The following ZNF83 variants were observed in gnomAD, a reference collection of about 807,000 sequenced individuals.
ZNF83 encodes zinc finger protein 83, also known as zinc finger protein 816B.
For missense variants in ZNF83, 552 were observed against 629.9 expected (o/e 0.88, Z 1.32); for synonymous variants, 209 against 213.0 (o/e 0.98, Z 0.17).
At chr19:52,639,372 C>T (rs376205340), upstream of ZNF83, among the ~76,000 whole-genome samples, 6 of 151,120 alleles carry the variant, frequency 4.0e-5, no homozygotes, top group East Asian at 2.0e-4. Context: ...AGGTGTGAGC[C>T]ACCGCGCCCG....
intron 1 of ZNF83, among the ~76,000 whole-genome samples, chr19:52,668,046 CAA>C (rs759195869): frequency 4.6e-5 from 7 of 152,162 alleles, no homozygotes; most frequent in Non-Finnish European, 1.0e-4. Context: ...ACGTTTAAAA[CAA>C]ATGATAAATT....
At chr19:52,669,660 G>C (rs1453680096) in intron 1 of ZNF83, among the ~76,000 whole-genome samples, 1 of 152,182 alleles carries the variant, frequency 6.6e-6, no homozygotes, top group Non-Finnish European at 1.5e-5. Context: ...GAACAACTCA[G>C]GGGTAAATGA....
chr19:52,686,017 T>C lies in ZNF83; in HGVS notation c.-283+4426A>G, dbSNP rs564118077. Among the ~76,000 whole-genome samples, 10 of 151,804 alleles carry C rather than the reference T, an allele frequency of 6.6e-5. No homozygotes were observed. The East Asian group carries it at 1.9e-3, about 29-fold the overall frequency. On this transcript the variant is annotated intron_variant, in intron 1 of 5. Coordinates refer to the ZNF83 transcript ENST00000594682. ...GCACCAGAGGGCCTTGAGGGAAACA[T>C]GAACTTAATAGCTCCCAGCTCAAGA...
At chr19:52,681,298 A>AAAAAAAAAAAAAAAAAAAAAAC (rs2061915221) in intron 1 of ZNF83, among the ~76,000 whole-genome samples, 1 of 151,040 alleles carries the variant, frequency 6.6e-6, no homozygotes, top group Non-Finnish European at 1.5e-5. Flanking sequence ...AAAAAAAAAA[A>AAAAAAAAAAAAAAAAAAAAAAC]AAAGCAAACG....
At chr19:52,652,473 TG>T in intron 3 of ZNF83, 1 of 430,498 alleles carries the variant, frequency 2.3e-6, no homozygotes, top group Non-Finnish European at 4.7e-6. Context: ...TTATCACAGT[TG>T]TGAGGTTCTC....
chr19:52,664,978 GAAA>G (rs1051615860), intron 1 of ZNF83, among the ~76,000 whole-genome samples: 8 of 152,080 alleles, frequency 5.3e-5, no homozygotes, highest in Admixed American at 4.6e-4. Flanking sequence ...CCTTACTATT[GAAA>G]TTAATTTTAG....
intron 2 of ZNF83, among the ~76,000 whole-genome samples, chr19:52,656,030 G>A (rs2061499788): frequency 6.6e-6 from 1 of 152,102 alleles, no homozygotes; most frequent in Non-Finnish European, 1.5e-5. Context: ...GGGCAACATG[G>A]TGAAACCAAG....
chr19:52,621,093 T>C (rs2060525950), intron 2 of ZNF83, among the ~76,000 whole-genome samples: 1 of 152,166 alleles, frequency 6.6e-6, no homozygotes, highest in Admixed American at 6.6e-5. Flanking sequence ...GGTGGTCTCT[T>C]CACAGGGACA....
chr19:52,623,733 C>A (rs975678236), intron 2 of ZNF83, among the ~76,000 whole-genome samples: 1 of 152,102 alleles, frequency 6.6e-6, no homozygotes, highest in South Asian at 2.1e-4. Flanking sequence ...TCCCATCCCA[C>A]AACAGGCTTT....
chr19:52,625,796 T>G (rs1053076181), intron 2 of ZNF83, among the ~76,000 whole-genome samples: 1 of 152,114 alleles, frequency 6.6e-6, no homozygotes, highest in African/African-American at 2.4e-5. Context: ...ACTCAATGCT[T>G]TCTCATACAC....
upstream of ZNF83, among the ~76,000 whole-genome samples, chr19:52,639,210 C>G (rs939160788): frequency 1.3e-5 from 2 of 151,824 alleles, no homozygotes; most frequent in Admixed American, 1.3e-4. Flanking sequence ...CCTCTATCTC[C>G]CAAGTAGCTG....
intron 1 of ZNF83, among the ~76,000 whole-genome samples, chr19:52,668,139 G>A (rs374959693): frequency 1.3e-5 from 2 of 151,950 alleles, no homozygotes; most frequent in Non-Finnish European, 2.9e-5. Context: ...CGCCAGCTTC[G>A]GAGTTTCCAG....
At chr19:52,618,689 G>A (rs557033943) in intron 2 of ZNF83, 30 of 663,466 alleles carry the variant, frequency 4.5e-5, no homozygotes, top group South Asian at 2.2e-4. Context: ...GAGTCACCAC[G>A]CCTTGCCAGC....
At chr19:52,614,588 C>A (rs759050360) in exon 3 of ZNF83, 2 of 1,554,036 alleles carry the variant, frequency 1.3e-6, no homozygotes, top group South Asian at 1.2e-5. Context: ...ATGAGACTTT[C>A]CTTATAGGTC....
rs1439270139 is a variant in ZNF83 at position 52,687,612 on chromosome 19, A to ATG, written c.-283+2829_-283+2830dup. Among the ~76,000 whole-genome samples the ATG allele has an allele frequency of 2.1e-4, 3 of 14,356 alleles. 1 individual carries two copies. 9.4% of individuals were successfully genotyped at this position (14,356 alleles called of 152,430 possible). A position where few individuals can be genotyped will look rare whatever the true frequency, so the allele number is the denominator to read the frequency against. On this transcript the variant is annotated intron_variant, in intron 1 of 5. Coordinates refer to the ZNF83 transcript ENST00000594682. ...TATATATATAATGTATATATATATA[A>ATG]TGTGTATATATATATATAATGTATA...
intron 3 of ZNF83, among the ~76,000 whole-genome samples, chr19:52,646,632 C>T (rs1166517034): frequency 6.6e-6 from 1 of 152,110 alleles, no homozygotes; most frequent in African/African-American, 2.4e-5. Context: ...CTCTGCTGAG[C>T]TCACTCACTC....
chr19:52,628,317 A>T (rs2060819285), intron 2 of ZNF83, among the ~76,000 whole-genome samples: 1 of 152,102 alleles, frequency 6.6e-6, no homozygotes, highest in Non-Finnish European at 1.5e-5. Context: ...AGCCCAAGAA[A>T]CATCTCACCA....
chr19:52,661,130 TATGATTACAGGGGTAA>T (rs1321539701), intron 1 of ZNF83, among the ~76,000 whole-genome samples: 1 of 152,068 alleles, frequency 6.6e-6, no homozygotes, highest in African/African-American at 2.4e-5. Flanking sequence ...CCCAAAGAGC[TATGATTACAGGGGTAA>T]ACCACCAGAC....
intron 2 of ZNF83, among the ~76,000 whole-genome samples, chr19:52,616,552 G>T (rs1260769693): frequency 2.6e-5 from 4 of 152,174 alleles, no homozygotes; most frequent in Non-Finnish European, 5.9e-5. Context: ...CCATAAAAAA[G>T]AACGAGGTTG....
Sources: allele counts gnomAD v4.1 joint callset (sites outside exome capture counted in the v4.1 genomes callset), GRCh38; gene constraint gnomAD v4.1.1; transcripts MANE v1.5; gene names NCBI Gene and HGNC (gene_info 2026-07-23, HGNC 2026-07-21).